CACUL1: variants seen among roughly 807,000 people sequenced by gnomAD.
CACUL1 encodes the protein CDK2-associated and cullin domain-containing protein 1.
A neutral mutation model predicts 45.2 loss-of-function variants in CACUL1; 13 were observed. The observed-to-expected ratio is 0.29, with a 90% CI of 0.19 to 0.46. The LOEUF (loss-of-function observed/expected upper bound fraction) is 0.46, where lower values mean the gene tolerates loss of function less well. Ranked by LOEUF, CACUL1 falls within the 20% of genes least tolerant of loss-of-function variation. The probability of loss-of-function intolerance (pLI) is 1.00; values close to 1 mark genes in which losing one functional copy is unlikely to be tolerated. For synonymous variants in CACUL1, 197 were observed against 174.2 expected (o/e 1.13, Z -1.03); for missense variants, 421 against 471.4 (o/e 0.89, Z 0.99).
intron 7 of CACUL1, among the ~76,000 whole-genome samples, chr10:118,689,122 C>T (rs1201356266): frequency 6.6e-6 from 1 of 152,228 alleles, no homozygotes; most frequent in Non-Finnish European, 1.5e-5. Context: ...GTACTATATT[C>T]TCCTTTTCTG....
In CACUL1 at chr10:118,681,483, G is replaced by T. The variant is rs1220746723; in HGVS notation, c.*4645C>A. 1 of 152,130 alleles carries T rather than the reference G, an allele frequency of 6.6e-6. No homozygotes were observed. The highest frequency in any genetic ancestry group is 6.5e-5 in the Admixed American group (1 of 15,270). 9.4% of individuals were successfully genotyped at this position (152,130 alleles called of 1,614,324 possible). A position where few individuals can be genotyped will look rare whatever the true frequency, so the allele number is the denominator to read the frequency against. On this transcript the variant is annotated 3_prime_UTR_variant, in exon 9 of 9. Coordinates refer to ENST00000369151, the MANE Select transcript of CACUL1 (RefSeq NM_153810.5). ...CCAGTCTTAGTGCATTTAGTACATA[G>T]TCACAACATTGAAATGACGTGAGAA... is the stretch of plus-strand genomic sequence containing the variant.
intron 3 of CACUL1, among the ~76,000 whole-genome samples, chr10:118,718,327 G>C (rs1845566172): frequency 6.6e-6 from 1 of 152,168 alleles, no homozygotes; most frequent in Admixed American, 6.5e-5. Flanking sequence ...GGTGTGTGGG[G>C]GGCAGGACAG....
intron 7 of CACUL1, among the ~76,000 whole-genome samples, chr10:118,690,615 T>C (rs1564827760): frequency 6.6e-6 from 1 of 152,224 alleles, no homozygotes; most frequent in Non-Finnish European, 1.5e-5. Context: ...AAAGCCTCTA[T>C]GCTAGGTTAG....
At position 118,677,115 on chromosome 10, in the gene CACUL1, G is replaced by C. The variant is rs574994209; in HGVS notation, c.*9013C>G. The C allele has an allele frequency of 1.4e-4, 21 of 152,100 alleles. No individual in the cohort carries two copies. The highest frequency in any genetic ancestry group is 3.4e-3 in the Middle Eastern group (1 of 294). The allele number at this position is 152,100 out of a possible 1,614,324, so 9.4% of individuals were successfully genotyped here. Reference sequence around the variant, plus strand: ...CACCTTTCATAAAATAATTGACCATGGACAGCATGATTTCAAAAAGCCGCC... The same window carrying C: ...CACCTTTCATAAAATAATTGACCATCGACAGCATGATTTCAAAAAGCCGCC... On this transcript the variant is annotated 3_prime_UTR_variant, in exon 9 of 9. Transcript: ENST00000369151.
chr10:118,742,772 C>G (rs1201535528), intron 1 of CACUL1, among the ~76,000 whole-genome samples: 1 of 152,132 alleles, frequency 6.6e-6, no homozygotes, highest in African/African-American at 2.4e-5. Context: ...AGATCTCTAA[C>G]TAGAATCAGA....
chr10:118,691,400 C>T lies in CACUL1; in HGVS notation c.890G>A (p.Trp297Ter). The T allele has an allele frequency of 3.1e-6, 5 of 1,610,504 alleles. No homozygotes were observed. Among genetic ancestry groups the T allele is most frequent in the Non-Finnish European group, 4.2e-6 (5 of 1,177,476 alleles). ...VKGLYTLRPE[W>*]VQMAPTLFSK... is the part of the protein sequence containing the mutation. ...AAATAGAGTTGGAGCCATCTGAACCCACTCTGTGAGGAAAGGAAACAATTC... is the reference window on the plus strand; with the variant it reads ...AAATAGAGTTGGAGCCATCTGAACCTACTCTGTGAGGAAAGGAAACAATTC... Residue 297 changes from tryptophan to a stop codon, truncating the protein, a stop_gained, in exon 7 of 9, where the codon TGG (tryptophan) becomes TAG (stop). Transcript: ENST00000369151. LOFTEE classifies it high-confidence loss of function.
At chr10:118,688,628 C>T (rs768037909) in intron 7 of CACUL1, among the ~76,000 whole-genome samples, 1 of 152,124 alleles carries the variant, frequency 6.6e-6, no homozygotes, top group African/African-American at 2.4e-5. Flanking sequence ...TTCGGCGTCA[C>T]CTGCTCAGCT....
chr10:118,732,074 A>C (rs925682172), intron 1 of CACUL1, among the ~76,000 whole-genome samples: 2 of 152,168 alleles, frequency 1.3e-5, no homozygotes, highest in Non-Finnish European at 2.9e-5. Context: ...TTTTACTCTA[A>C]GGTGGAAGCC....
At chr10:118,690,910 T>TG (rs1845258856) in intron 7 of CACUL1, among the ~76,000 whole-genome samples, 1 of 151,952 alleles carries the variant, frequency 6.6e-6, no homozygotes, top group African/African-American at 2.4e-5. Flanking sequence ...TAGCCAGGTG[T>TG]GGTGGTGGCA....
chr10:118,748,682 G>A (rs1845867366), intron 1 of CACUL1, among the ~76,000 whole-genome samples: 1 of 152,030 alleles, frequency 6.6e-6, no homozygotes, highest in African/African-American at 2.4e-5. Context: ...CAATCATTTG[G>A]TATAACACAA....
rs575445850 is a variant in CACUL1, at chr10:118,730,146, C to T, written c.494+138G>A. 9 of 953,338 alleles carry T rather than the reference C, an allele frequency of 9.4e-6. No homozygotes were observed. In the South Asian group the frequency reaches 1.1e-4, roughly 11 times the overall value. 59.1% of individuals were successfully genotyped at this position (953,338 alleles called of 1,614,324 possible). A position where few individuals can be genotyped will look rare whatever the true frequency, so the allele number is the denominator to read the frequency against. ...AAAGTATAAACCAAACCCTCCAATCCGTAAGTGTGGAATACATAAAACACT... is the reference window on the plus strand; with the variant it reads ...AAAGTATAAACCAAACCCTCCAATCTGTAAGTGTGGAATACATAAAACACT... On this transcript the variant is annotated intron_variant, in intron 2 of 8. Transcript: ENST00000369151.
At chr10:118,739,158 T>G (rs1156580919) in intron 1 of CACUL1, among the ~76,000 whole-genome samples, 2 of 150,408 alleles carry the variant, frequency 1.3e-5, no homozygotes, top group Non-Finnish European at 3.0e-5. Flanking sequence ...ATCATGCCAC[T>G]GCACTCCAGC....
intron 1 of CACUL1, among the ~76,000 whole-genome samples, chr10:118,737,823 T>C (rs1398312054): frequency 6.6e-6 from 1 of 152,160 alleles, no homozygotes; most frequent in African/African-American, 2.4e-5. Flanking sequence ...GTTCCTAAAA[T>C]GGACATGTTA....
chr10:118,746,053 G>A (rs937867475), intron 1 of CACUL1, among the ~76,000 whole-genome samples: 17 of 151,148 alleles, frequency 1.1e-4, no homozygotes, highest in Non-Finnish European at 2.1e-4. Flanking sequence ...TCAGGAGGCT[G>A]AGGCAGGAGA....
chr10:118,715,950 CT>C (rs1845539032), intron 3 of CACUL1, among the ~76,000 whole-genome samples: 1 of 152,144 alleles, frequency 6.6e-6, no homozygotes, highest in Non-Finnish European at 1.5e-5. Context: ...AAAATAACCA[CT>C]ACCGGCTGGG....
intron 1 of CACUL1, among the ~76,000 whole-genome samples, chr10:118,745,270 G>A (rs905189096): frequency 2.0e-5 from 3 of 152,056 alleles, no homozygotes; most frequent in Admixed American, 2.0e-4. Context: ...AAGAAGACAG[G>A]AAAAGGGTTG....
At chr10:118,714,980 G>A (rs781015333) in intron 3 of CACUL1, among the ~76,000 whole-genome samples, 1 of 152,126 alleles carries the variant, frequency 6.6e-6, no homozygotes, top group Non-Finnish European at 1.5e-5. Context: ...TAAGATGCTT[G>A]AATGTACTAT....
At chr10:118,703,308 TC>T (rs991375183) in intron 4 of CACUL1, among the ~76,000 whole-genome samples, 1 of 151,722 alleles carries the variant, frequency 6.6e-6, no homozygotes, top group Admixed American at 6.6e-5. Context: ...TATGCTTTTT[TC>T]CCCCTAAAAA....
chr10:118,746,151 C>CAAAAAAAAAAAAA (rs376453440), intron 1 of CACUL1, among the ~76,000 whole-genome samples: 50 of 91,140 alleles, frequency 5.5e-4, no homozygotes, highest in Admixed American at 2.4e-3. Flanking sequence ...GACACTGTCT[C>CAAAAAAAAAAAAA]AAAAAAAAAA....
Sources: allele counts gnomAD v4.1 joint callset (sites outside exome capture counted in the v4.1 genomes callset), GRCh38; gene constraint gnomAD v4.1.1; transcripts MANE v1.5; gene names NCBI Gene and HGNC (gene_info 2026-07-23, HGNC 2026-07-21).